CNTNAP2: variants seen among roughly 807,000 people sequenced by gnomAD.
CNTNAP2 encodes contactin associated protein 2, also known as contactin-associated protein-like 2.
CNTNAP2 carries 98 observed loss-of-function variants against 155.2 expected under a neutral mutation model. That is an observed-to-expected ratio of 0.63 (90% CI 0.54 to 0.75). The LOEUF (loss-of-function observed/expected upper bound fraction) is 0.75, where lower values mean the gene tolerates loss of function less well. Among genes scored for constraint, CNTNAP2 ranks in the 30% least tolerant of loss-of-function variants. The pLI is 0.00. For synonymous variants in CNTNAP2, 651 were observed against 631.2 expected (o/e 1.03, Z -0.47); for missense variants, 1,727 against 1,688.1 (o/e 1.02, Z -0.40).
chr7:148,139,792 G>A (rs756937448), intron 16 of CNTNAP2, among the ~76,000 whole-genome samples: 1 of 152,084 alleles, frequency 6.6e-6, no homozygotes, highest in African/African-American at 2.4e-5. Flanking sequence ...ACCCGCCTCG[G>A]CCTCCCAAAG....
intron 9 of CNTNAP2, among the ~76,000 whole-genome samples, chr7:147,346,202 C>T (rs1448963398): frequency 1.4e-5 from 2 of 147,818 alleles, no homozygotes; most frequent in African/African-American, 5.0e-5. Flanking sequence ...GGCCGGACTG[C>T]GGACTGCAGT....
chr7:148,293,816 C>G (rs946771164), intron 21 of CNTNAP2, among the ~76,000 whole-genome samples: 2 of 152,044 alleles, frequency 1.3e-5, no homozygotes, highest in African/African-American at 4.8e-5. Flanking sequence ...AGGCACATCA[C>G]TTGAGGTCAG....
At chr7:147,316,821 G>C (rs1795242008) in intron 9 of CNTNAP2, among the ~76,000 whole-genome samples, 1 of 152,136 alleles carries the variant, frequency 6.6e-6, no homozygotes, top group Admixed American at 6.5e-5. Flanking sequence ...CTATAAAATG[G>C]AGTATTATGC....
intron 2 of CNTNAP2, among the ~76,000 whole-genome samples, chr7:146,775,571 G>A (rs1204088919): frequency 1.3e-5 from 2 of 150,566 alleles, no homozygotes; most frequent in Non-Finnish European, 3.0e-5. Flanking sequence ...AGGGAGGGAA[G>A]GAGAAAGGGA....
intron 4 of CNTNAP2, among the ~76,000 whole-genome samples, chr7:147,055,545 T>A (rs1473165173): frequency 1.3e-5 from 2 of 152,196 alleles, no homozygotes; most frequent in Non-Finnish European, 2.9e-5. Context: ...ACCTGACACC[T>A]GACGTAAAGC....
intron 13 of CNTNAP2, among the ~76,000 whole-genome samples, chr7:147,685,020 A>G (rs142224435): frequency 1.4e-4 from 22 of 152,042 alleles, no homozygotes; most frequent in African/African-American, 5.1e-4. Context: ...ACATAAGAGA[A>G]TCTGAAGTAT....
intron 1 of CNTNAP2, among the ~76,000 whole-genome samples, chr7:146,239,600 C>CCTGT (rs1427970914): frequency 7.2e-5 from 11 of 152,160 alleles, no homozygotes; most frequent in Admixed American, 5.2e-4. Flanking sequence ...GCTGTGTTAT[C>CCTGT]CTGTGTATGG....
chr7:146,989,170 A>T (rs911340512), intron 3 of CNTNAP2, among the ~76,000 whole-genome samples: 2 of 152,126 alleles, frequency 1.3e-5, no homozygotes, highest in Non-Finnish European at 1.5e-5. Flanking sequence ...AGGAGCATGT[A>T]GGGGTGCTCT....
Position 148,103,323 on chromosome 7 carries a change from CT to C in CNTNAP2, c.2384-14792del, listed in dbSNP as rs201074278. Among the ~76,000 whole-genome samples, 1,163 of 151,816 alleles carry C rather than the reference CT, an allele frequency of 7.7e-3. 18 individuals are homozygous for C. The highest frequency in any genetic ancestry group is 0.027 in the African/African-American group (1,105 of 41,400). On this transcript the variant is annotated intron_variant, in intron 15 of 23. Transcript: ENST00000361727. ...TTGGCTTAGTAATTTTGGGGGTCTC[CT>C]TTCACATCATCCACGCAGCAGCAAC...
intron 1 of CNTNAP2, among the ~76,000 whole-genome samples, chr7:146,119,117 A>G (rs906031360): frequency 2.6e-5 from 4 of 152,098 alleles, no homozygotes; most frequent in Admixed American, 2.6e-4. Flanking sequence ...AAAACATTCA[A>G]AGGAGAAAAA....
intron 14 of CNTNAP2, among the ~76,000 whole-genome samples, chr7:147,945,842 CTTTTCTTTTCTTTTT>C (rs1275013651): frequency 6.7e-6 from 1 of 148,794 alleles, no homozygotes; most frequent in Non-Finnish European, 1.5e-5. Flanking sequence ...ACTTACTTCT[CTTTTCTTTTCTTTTT>C]TTTTCTTTTT....
At chr7:148,159,002 A>G (rs1306114858) in intron 17 of CNTNAP2, among the ~76,000 whole-genome samples, 1 of 152,192 alleles carries the variant, frequency 6.6e-6, no homozygotes, top group African/African-American at 2.4e-5. Flanking sequence ...TTCCTCCCAC[A>G]GTACACTATG....
At chr7:147,688,450 C>T (rs1184095161) in intron 13 of CNTNAP2, among the ~76,000 whole-genome samples, 1 of 152,180 alleles carries the variant, frequency 6.6e-6, no homozygotes, top group African/African-American at 2.4e-5. Flanking sequence ...ACTTGAGCCT[C>T]ACAGCTCACA....
intron 1 of CNTNAP2, among the ~76,000 whole-genome samples, chr7:146,423,000 G>A (rs1488779979): frequency 6.6e-6 from 1 of 152,078 alleles, no homozygotes; most frequent in African/African-American, 2.4e-5. Context: ...TACTGTTACA[G>A]CACTACTAAA....
chr7:147,500,960 G>A (rs1358541), intron 11 of CNTNAP2, among the ~76,000 whole-genome samples: 16,115 of 152,010 alleles, frequency 0.11, 1,229 homozygotes, highest in Non-Finnish European at 0.16. Context: ...TATCCCTGAT[G>A]AGCATACATG....
At position 146,515,658 on chromosome 7, in the gene CNTNAP2, C is replaced by G. The variant is rs150422571; in HGVS notation, c.98-258613C>G. Among the ~76,000 whole-genome samples, 63 of 152,148 alleles carry G rather than the reference C, an allele frequency of 4.1e-4. No homozygotes were observed. In the East Asian group the frequency reaches 0.012, roughly 28 times the overall value. ...TATTGAGGAACAAAGACAATGTTAA[C>G]TGCTAGGCAATATAGATTTATTGGA... On this transcript the variant is annotated intron_variant, in intron 1 of 23. Coordinates refer to ENST00000361727, the MANE Select transcript of CNTNAP2 (RefSeq NM_014141.6).
intron 1 of CNTNAP2, among the ~76,000 whole-genome samples, chr7:146,278,907 A>T (rs150894265): frequency 6.6e-6 from 1 of 152,184 alleles, no homozygotes; most frequent in Non-Finnish European, 1.5e-5. Context: ...ATAGGTTTAG[A>T]TGAGTATGTC....
At chr7:146,532,646 A>G (rs1328816995) in intron 1 of CNTNAP2, among the ~76,000 whole-genome samples, 2 of 152,182 alleles carry the variant, frequency 1.3e-5, no homozygotes, top group African/African-American at 4.8e-5. Flanking sequence ...TTAATTCTAT[A>G]TGGAAGTAAC....
At chr7:146,926,658 T>A (rs759354123) in intron 3 of CNTNAP2, among the ~76,000 whole-genome samples, 12 of 152,148 alleles carry the variant, frequency 7.9e-5, no homozygotes, top group Admixed American at 2.0e-4. Context: ...ACAAAACAAT[T>A]TTTAAAACAA....
Sources: allele counts gnomAD v4.1 joint callset (sites outside exome capture counted in the v4.1 genomes callset), GRCh38; gene constraint gnomAD v4.1.1; transcripts MANE v1.5; gene names NCBI Gene and HGNC (gene_info 2026-07-23, HGNC 2026-07-21).